Variants in CCDC138 observed in about 807,000 individuals in gnomAD.
The protein encoded by CCDC138 is coiled-coil domain containing 138, also known as coiled-coil domain-containing protein 138.
CCDC138 carries 66 observed loss-of-function variants against 82.3 expected under a neutral mutation model. The observed-to-expected ratio is 0.80, with a 90% CI of 0.66 to 0.98. The LOEUF (loss-of-function observed/expected upper bound fraction) is 0.98. CCDC138 is among the 50% of genes least tolerant of loss of function. The pLI, the probability that CCDC138 is intolerant of heterozygous loss-of-function variation, is 0.00. For synonymous variants in CCDC138, 297 were observed against 265.4 expected, an observed-to-expected ratio of 1.12 and a Z score of -1.16; for missense variants, 816 against 758.9, an observed-to-expected ratio of 1.08 and a Z score of -0.88.
rs113683672 is a variant in CCDC138 at position 108,795,792 on chromosome 2, G to A, written c.576+1071G>A. Among the ~76,000 whole-genome samples, 445 of 152,260 alleles carry A rather than the reference G, an allele frequency of 2.9e-3. 5 individuals carry two copies. The highest frequency in any genetic ancestry group is 0.01 in the African/African-American group (428 of 41,560). Reference sequence around the variant, plus strand: ...TCTGAAAAGCAGTGATTGTCCAATTGTGCATTTATTAGCCTGTCTGGAAGA... The same window carrying A: ...TCTGAAAAGCAGTGATTGTCCAATTATGCATTTATTAGCCTGTCTGGAAGA... On this transcript the variant is annotated intron_variant, in intron 5 of 14. Transcript: ENST00000295124.
At chr2:108,807,441 G>A (rs1276728540) in intron 7 of CCDC138, among the ~76,000 whole-genome samples, 1 of 152,112 alleles carries the variant, frequency 6.6e-6, no homozygotes, top group Non-Finnish European at 1.5e-5. Flanking sequence ...ATACAGTAAT[G>A]TGTAATGATC....
chr2:108,816,216 C>G, intron 10 of CCDC138, 111 bp downstream of exon 10: 5 of 770,930 alleles, frequency 6.5e-6, no homozygotes, highest in Non-Finnish European at 1.0e-5. Context: ...TTTGGGAGTT[C>G]GAGCTGGGCA....
downstream of CCDC138, among the ~76,000 whole-genome samples, chr2:108,880,893 A>T (rs936743166): frequency 6.6e-6 from 1 of 152,214 alleles, no homozygotes; most frequent in Non-Finnish European, 1.5e-5. Flanking sequence ...ACCAAAACGT[A>T]ATTTCAACTT....
intron 10 of CCDC138, among the ~76,000 whole-genome samples, chr2:108,821,760 C>T (rs974929145): frequency 1.3e-4 from 20 of 152,082 alleles, no homozygotes; most frequent in Middle Eastern, 3.4e-3. Context: ...GCCTGGTCAA[C>T]ATGGTGAAAC....
At chr2:108,833,450 A>G (rs1263062688) in intron 10 of CCDC138, among the ~76,000 whole-genome samples, 1 of 152,236 alleles carries the variant, frequency 6.6e-6, no homozygotes, top group Non-Finnish European at 1.5e-5. Context: ...GGAAGTAGAG[A>G]TAGAGTAGGC....
chr2:108,802,110 G>A (rs1411233427), intron 6 of CCDC138, among the ~76,000 whole-genome samples: 13 of 144,486 alleles, frequency 9.0e-5, no homozygotes, highest in South Asian at 2.3e-4. Flanking sequence ...TTGGCGATGC[G>A]GGCTCTTTTT....
At chr2:108,864,162 G>A (rs563193961) in intron 13 of CCDC138, among the ~76,000 whole-genome samples, 4 of 150,978 alleles carry the variant, frequency 2.6e-5, no homozygotes, top group Non-Finnish European at 5.9e-5. Context: ...CTCATATTTT[G>A]TGAAAAAAAA....
intron 10 of CCDC138, among the ~76,000 whole-genome samples, chr2:108,817,095 A>T (rs1304710820): frequency 1.3e-5 from 2 of 152,214 alleles, no homozygotes; most frequent in African/African-American, 4.8e-5. Flanking sequence ...ACCATAGCAC[A>T]TGGCAAAAGG....
At chr2:108,823,997 G>A (rs1049562193) in intron 10 of CCDC138, among the ~76,000 whole-genome samples, 5 of 134,358 alleles carry the variant, frequency 3.7e-5, no homozygotes, top group Admixed American at 2.2e-4. Context: ...AGGGAGGGGT[G>A]GGGGGTACAC....
chr2:108,827,032 T>C (rs1021436494), intron 10 of CCDC138, among the ~76,000 whole-genome samples: 1 of 152,228 alleles, frequency 6.6e-6, no homozygotes, highest in Non-Finnish European at 1.5e-5. Flanking sequence ...CTTAAATTCA[T>C]TTTTGGATTG....
chr2:108,791,218 A>G (rs1157681621), intron 3 of CCDC138, among the ~76,000 whole-genome samples: 3 of 152,212 alleles, frequency 2.0e-5, no homozygotes, highest in African/African-American at 4.8e-5. Context: ...GAACAATACT[A>G]TTCCAAAAAT....
At chr2:108,843,861 TG>T (rs1558716840) in intron 11 of CCDC138, among the ~76,000 whole-genome samples, 5 of 140,742 alleles carry the variant, frequency 3.6e-5, no homozygotes, top group East Asian at 4.2e-4. Context: ...TGTGTGTGTG[TG>T]TGTGTGTGTG....
intron 13 of CCDC138, among the ~76,000 whole-genome samples, chr2:108,868,825 G>C (rs1434937548): frequency 2.0e-5 from 3 of 152,032 alleles, no homozygotes; most frequent in Non-Finnish European, 4.4e-5. Context: ...GGGTTTTTGG[G>C]CAGAAACAAA....
rs1026752860 is a variant in CCDC138 at position 108,789,606 on chromosome 2, G to C, written c.266+640G>C. Reference sequence around the variant, plus strand: ...AAACTGTCCTGAAGAAAGAAAAAACGAACTACAAAAAAAACTGCCATACAG... The same window carrying C: ...AAACTGTCCTGAAGAAAGAAAAAACCAACTACAAAAAAAACTGCCATACAG... On this transcript the variant is annotated intron_variant, in intron 3 of 14. Transcript: ENST00000295124. Among the ~76,000 whole-genome samples the C allele has an allele frequency of 2.0e-5, 3 of 152,016 alleles. No individual in the cohort carries two copies. In the East Asian group the frequency reaches 5.8e-4, roughly 29 times the overall value.
At position 108,804,996 on chromosome 2, in the gene CCDC138, CT is replaced by C; in HGVS notation, c.845del (p.Leu282Ter). The C allele has an allele frequency of 6.6e-7, 1 of 1,525,838 alleles. No homozygotes were observed. The highest frequency in any genetic ancestry group is 1.3e-5 in the South Asian group (1 of 75,896). The allele number at this position is 1,525,838 out of a possible 1,614,324, so 94.5% of individuals were successfully genotyped here. A position where few individuals can be genotyped will look rare whatever the true frequency, so the allele number is the denominator to read the frequency against. On this transcript the variant is annotated frameshift_variant, in exon 7 of 15. Coordinates refer to ENST00000295124, the MANE Select transcript of CCDC138 (RefSeq NM_144978.3). LOFTEE classifies it high-confidence loss of function. The stretch of plus-strand genomic sequence containing the variant: ...ATGCATTGAAAGAATTGAATGATAC[CT>C]TAAAAAAACAGGTAAGACCTGTTTT... Reference protein sequence around the residue: ...FDALKELNDTLKKQLNEASEE... With the variant: ...FDALKELNDTXKKQLNEASEE...
chr2:108,800,173 T>G (rs1223392318), intron 6 of CCDC138, among the ~76,000 whole-genome samples: 2 of 152,182 alleles, frequency 1.3e-5, no homozygotes, highest in Non-Finnish European at 2.9e-5. Flanking sequence ...GACCTTCTGG[T>G]TAATGCATAG....
At chr2:108,791,875 A>C in intron 4 of CCDC138, 73 bp downstream of exon 4, 1 of 1,411,344 alleles carries the variant, frequency 7.1e-7, no homozygotes, top group South Asian at 1.3e-5. Flanking sequence ...CTTCCCTCCT[A>C]GTAATAACAC....
At chr2:108,838,673 A>G (rs1327969067) in intron 10 of CCDC138, among the ~76,000 whole-genome samples, 1 of 152,198 alleles carries the variant, frequency 6.6e-6, no homozygotes, top group East Asian at 1.9e-4. Flanking sequence ...TAAGATATGC[A>G]TGCAATGTAG....
At chr2:108,872,479 T>C (rs939397921) in intron 13 of CCDC138, among the ~76,000 whole-genome samples, 2 of 152,218 alleles carry the variant, frequency 1.3e-5, no homozygotes, top group Non-Finnish European at 1.5e-5. Context: ...TCTCCAGTGC[T>C]CCATTCCTAG....
Sources: gnomAD v4.1 joint callset for allele counts (sites outside exome capture counted in the v4.1 genomes callset) on GRCh38, gnomAD v4.1.1 for gene constraint, MANE v1.5 for transcripts, NCBI Gene and HGNC (gene_info 2026-07-23, HGNC 2026-07-21) for gene names.